PTPN13: variants seen among roughly 807,000 people sequenced by gnomAD.
PTPN13 encodes the protein tyrosine-protein phosphatase non-receptor type 13.
A neutral mutation model predicts 284.0 loss-of-function variants in PTPN13; 191 were observed. That is an observed-to-expected ratio of 0.67 (90% CI 0.60 to 0.76). The LOEUF is 0.76. PTPN13 is among the 30% of genes least tolerant of loss of function. PTPN13 has a pLI of 0.00. For synonymous variants in PTPN13, 986 were observed against 1,022.3 expected (o/e 0.96, Z 0.68); for missense variants, 2,797 against 2,939.9 (o/e 0.95, Z 1.12).
At chr4:86,795,118 G>A (rs779092808) in intron 40 of PTPN13, among the ~76,000 whole-genome samples, 7 of 152,086 alleles carry the variant, frequency 4.6e-5, no homozygotes, top group Non-Finnish European at 8.8e-5. Flanking sequence ...CTACCAAATG[G>A]GAGAAAACTT....
At chr4:86,689,632 C>T in intron 5 of PTPN13, 1 of 702,186 alleles carries the variant, frequency 1.4e-6, no homozygotes, top group South Asian at 1.5e-5. Flanking sequence ...ATTTCCCAAA[C>T]CTTCTCCACT....
At position 86,734,459 on chromosome 4, in the gene PTPN13, G is replaced by A. The variant is rs1350125871; in HGVS notation, c.2012+3G>A. On this transcript the variant is annotated splice_donor_region_variant and intron_variant, in intron 13 of 47. Transcript: ENST00000411767. The stretch of plus-strand genomic sequence containing the variant: ...ATGGATGATGTTAGTCTAATACAGT[G>A]AGTACACAAGAGTTTCTCTTTTGCT... 6.6e-7 allele frequency: 1 copy of A among 1,525,318 alleles called. No individual in the cohort carries two copies. The highest frequency in any genetic ancestry group is 2.4e-5 in the East Asian group (1 of 42,156). The allele number at this position is 1,525,318 out of a possible 1,614,324, so 94.5% of individuals were successfully genotyped here. A position where few individuals can be genotyped will look rare whatever the true frequency, so the allele number is the denominator to read the frequency against.
At chr4:86,689,528 A>G in intron 5 of PTPN13, 1 of 618,884 alleles carries the variant, frequency 1.6e-6, no homozygotes, top group Non-Finnish European at 2.9e-6. Flanking sequence ...GAAAAAATGT[A>G]TTAACATGAA....
intron 41 of PTPN13, 22 bp downstream of exon 41, chr4:86,796,951 T>C: frequency 7.5e-7 from 1 of 1,328,896 alleles, no homozygotes; most frequent in Non-Finnish European, 1.1e-6. Context: ...ATTTTCAAAG[T>C]ATCCATAATG....
At chr4:86,707,475 A>G (rs1432980603) in intron 7 of PTPN13, among the ~76,000 whole-genome samples, 2 of 152,300 alleles carry the variant, frequency 1.3e-5, no homozygotes, top group South Asian at 2.1e-4. Context: ...ACCCATTCTC[A>G]TTTGAGGAAC....
rs373015271 is a variant in PTPN13 at position 86,811,091 on chromosome 4, G to A, written c.7345G>A (p.Gly2449Arg). The change falls in exon 47 of 48, where the codon GGA (glycine) becomes AGA (arginine). Residue 2449 changes from glycine (G) to arginine (R), a missense_variant. Gly to Arg is a moderately radical substitution (Grantham distance 125, BLOSUM62 -2). Coordinates refer to ENST00000411767, the MANE Select transcript of PTPN13 (RefSeq NM_080683.3). ...LVRCMRLQRH[G>R]MVQTEDQYIF... Reference sequence around the variant, plus strand: ...GCGCTGCATGAGACTACAAAGACACGGAATGGTTCAGACAGAGGTGAGTCA... The same window carrying A: ...GCGCTGCATGAGACTACAAAGACACAGAATGGTTCAGACAGAGGTGAGTCA... The A allele has an allele frequency of 1.4e-5, 23 of 1,613,378 alleles. No individual in the cohort carries two copies. In the African/African-American group the frequency reaches 1.9e-4, roughly 13 times the overall value.
At chr4:86,601,440 A>G (rs1248317371) in intron 1 of PTPN13, among the ~76,000 whole-genome samples, 1 of 152,110 alleles carries the variant, frequency 6.6e-6, no homozygotes, top group East Asian at 1.9e-4. Flanking sequence ...CTATGTTCAC[A>G]GTTTGTGGCA....
chr4:86,629,221 A>T (rs1280882180), intron 1 of PTPN13, among the ~76,000 whole-genome samples: 1 of 148,326 alleles, frequency 6.7e-6, no homozygotes, highest in Non-Finnish European at 1.5e-5. Context: ...TAATATCCAG[A>T]ATCTACAATG....
At chr4:86,671,762 C>A (rs1450830869) in intron 2 of PTPN13, among the ~76,000 whole-genome samples, 1 of 152,204 alleles carries the variant, frequency 6.6e-6, no homozygotes, top group Non-Finnish European at 1.5e-5. Context: ...TATACTTCGA[C>A]TCAAGACATT....
rs1296720985 is a variant in PTPN13 at position 86,635,294 on chromosome 4, G to A, written c.38G>A (p.Gly13Asp). 2.5e-6 allele frequency: 4 copies of A among 1,607,312 alleles called. No individual in the cohort carries two copies. In the East Asian group the frequency reaches 6.7e-5, roughly 27 times the overall value. The change falls in exon 2 of 48, where the codon GGT becomes GAT. Residue 13 changes from glycine (G) to aspartate (D), a missense_variant. By Grantham distance (94) the Gly-to-Asp change is moderately conservative. Transcript: ENST00000411767. Reference protein sequence around the residue: ...VSLAEALEVRGGPLQEEEIWA... With the variant: ...VSLAEALEVRDGPLQEEEIWA... ...CTAGCTGAGGCCCTGGAGGTTCGGGGTGGACCACTTCAGGAGGAAGAAATA... is the reference window on the plus strand; with the variant it reads ...CTAGCTGAGGCCCTGGAGGTTCGGGATGGACCACTTCAGGAGGAAGAAATA...
intron 2 of PTPN13, among the ~76,000 whole-genome samples, chr4:86,655,430 A>G (rs1409142923): frequency 3.3e-5 from 5 of 152,108 alleles, no homozygotes; most frequent in Admixed American, 1.3e-4. Flanking sequence ...CTTTTAGGGC[A>G]GGCTTGGTGG....
At position 86,772,872 on chromosome 4, in the gene PTPN13, A is replaced by G. The variant is rs1740164036; in HGVS notation, c.5263A>G (p.Ile1755Val). 1 of 1,612,834 alleles carries G rather than the reference A, an allele frequency of 6.2e-7. No individual in the cohort carries two copies. Among genetic ancestry groups the G allele is most frequent in the African/African-American group, 1.3e-5 (1 of 74,916 alleles). The change falls in exon 32 of 48, where the codon ATA (isoleucine) becomes GTA (valine). Residue 1755 changes from isoleucine (I) to valine (V), a missense_variant. Physicochemically the swap from Ile to Val is conservative, Grantham distance 29. Transcript: ENST00000411767. Reference sequence around the variant, plus strand: ...CTCTAGTTCGATGGATAAGTATCATATACATCACATTTCTGAACCAACTAG... The same window carrying G: ...CTCTAGTTCGATGGATAAGTATCATGTACATCACATTTCTGAACCAACTAG... ...ASSSSMDKYH[I>V]HHISEPTRQE...
At chr4:86,662,480 C>T (rs1726615929) in intron 2 of PTPN13, among the ~76,000 whole-genome samples, 1 of 152,112 alleles carries the variant, frequency 6.6e-6, no homozygotes, top group Non-Finnish European at 1.5e-5. Flanking sequence ...TATAAGCACG[C>T]ACCACCACGC....
At position 86,758,720 on chromosome 4, in the gene PTPN13, T is replaced by C. The variant is rs1287749825; in HGVS notation, c.3356T>C (p.Leu1119Pro). 6.2e-7 allele frequency: 1 copy of C among 1,613,854 alleles called. No individual in the cohort carries two copies. Among genetic ancestry groups the C allele is most frequent in the East Asian group, 2.2e-5 (1 of 44,878 alleles). The change falls in exon 22 of 48, where the codon CTA becomes CCA. Residue 1119 changes from leucine to proline, a missense_variant. Leu to Pro is a moderately conservative substitution (Grantham distance 98, BLOSUM62 -3). Coordinates refer to ENST00000411767, the MANE Select transcript of PTPN13 (RefSeq NM_080683.3). The part of the protein sequence containing the change: ...IGGEKMGRLD[L>P]GIFISSVAPG... ...GGGGAGAAGATGGGAAGACTGGACC[T>C]AGGCATATTTATCAGTTCAGTTGCC...
chr4:86,664,744 C>T (rs1035908854), intron 2 of PTPN13, among the ~76,000 whole-genome samples: 11 of 152,026 alleles, frequency 7.2e-5, no homozygotes, highest in African/African-American at 2.7e-4. Flanking sequence ...AAAGGCAAAT[C>T]AAAGAGGAAG....
At chr4:86,727,422 G>A (rs1013037003) in intron 10 of PTPN13, among the ~76,000 whole-genome samples, 3 of 149,416 alleles carry the variant, frequency 2.0e-5, no homozygotes, top group Admixed American at 6.7e-5. Context: ...GGTAGAATTC[G>A]GCTGTCAGTC....
intron 7 of PTPN13, among the ~76,000 whole-genome samples, chr4:86,713,312 A>G (rs1210457446): frequency 2.6e-5 from 4 of 152,134 alleles, no homozygotes; most frequent in African/African-American, 7.2e-5. Context: ...TGTAACAATA[A>G]AACAAATGTA....
Position 86,774,441 on chromosome 4 carries a change from C to A in PTPN13, c.5418C>A (p.Gly1806=). 6.2e-7 allele frequency: 1 copy of A among 1,605,064 alleles called. No individual in the cohort carries two copies. Residue 1806 remains glycine, a synonymous_variant, in exon 33 of 48, where the codon GGC becomes GGA. Transcript: ENST00000411767. Reference sequence around the variant, plus strand: ...GCCTGGGTTTTACAGTAACCAAAGGCAATCAGAGAATTGGTTGTTATGTTC... The same window carrying A: ...GCCTGGGTTTTACAGTAACCAAAGGAAATCAGAGAATTGGTTGTTATGTTC... The part of the protein sequence containing the change: ...KGSLGFTVTK[G]NQRIGCYVHD...
chr4:86,767,845 A>C lies in PTPN13; in HGVS notation c.4358A>C (p.Gln1453Pro). 6.3e-7 allele frequency: 1 copy of C among 1,594,498 alleles called. No homozygotes were observed. The highest frequency in any genetic ancestry group is 8.6e-7 in the Non-Finnish European group (1 of 1,169,484). ...QVVHLLLEKG[Q>P]SPTSKEHVPV... ...GTTCATCTGTTATTAGAAAAGGGAC[A>C]ATCTCCAACATCTAAAGAACATGTC... is the stretch of plus-strand genomic sequence containing the variant. The change falls in exon 28 of 48, where the codon CAA becomes CCA. Residue 1453 changes from glutamine to proline, a missense_variant. Physicochemically the swap from Gln to Pro is moderately conservative, Grantham distance 76. Transcript: ENST00000411767.
Sources: gnomAD v4.1 joint callset for allele counts (sites outside exome capture counted in the v4.1 genomes callset) on GRCh38, gnomAD v4.1.1 for gene constraint, MANE v1.5 for transcripts, NCBI Gene and HGNC (gene_info 2026-07-23, HGNC 2026-07-21) for gene names.